MATCAP2: variants seen among roughly 807,000 people sequenced by gnomAD.
The protein encoded by MATCAP2 is microtubule associated tyrosine carboxypeptidase 2.
chr7:36,357,184 G>T, the MATCAP2 span: 16 of 1,614,052 alleles, frequency 9.9e-6, no homozygotes, highest in African/African-American at 1.3e-5. Context: ...GCAGTACTAT[G>T]CCATTCCCTG....
At chr7:36,380,893 C>G in the MATCAP2 span, among the ~76,000 whole-genome samples, 1 of 152,168 alleles carries the variant, frequency 6.6e-6, no homozygotes, top group Non-Finnish European at 1.5e-5. Flanking sequence ...CTGCACCCAG[C>G]TAATTTTTTG....
the MATCAP2 span, among the ~76,000 whole-genome samples, chr7:36,345,301 A>G: frequency 6.6e-6 from 1 of 152,218 alleles, no homozygotes. Context: ...CACTTTATAG[A>G]ATGAGAATAT....
At chr7:36,326,335 A>C in the MATCAP2 span, 4 of 152,576 alleles carry the variant, frequency 2.6e-5, no homozygotes, top group Admixed American at 2.6e-4. Context: ...AAAGGAGAAT[A>C]ATTACCATTA....
At chr7:36,357,316 C>T in the MATCAP2 span, 1 of 1,614,182 alleles carries the variant, frequency 6.2e-7, no homozygotes. Context: ...GGGCTTTCAT[C>T]CTGCGAGGAT....
the MATCAP2 span, among the ~76,000 whole-genome samples, chr7:36,370,723 C>T: frequency 6.6e-6 from 1 of 152,200 alleles, no homozygotes; most frequent in African/African-American, 2.4e-5. Context: ...TCAGGTGATC[C>T]ACCCACCTTG....
chr7:36,364,274 G>C, the MATCAP2 span, among the ~76,000 whole-genome samples: 367 of 152,094 alleles, frequency 2.4e-3, 2 homozygotes, highest in African/African-American at 8.4e-3. Context: ...TTTTTGTAGA[G>C]ATAAGGTTTT....
chr7:36,385,812 TAAAATAAAATAAAA>T, the MATCAP2 span, among the ~76,000 whole-genome samples: 2 of 145,452 alleles, frequency 1.4e-5, no homozygotes, highest in African/African-American at 5.1e-5. Flanking sequence ...TAAAATAAAA[TAAAATAAAATAAAA>T]TAAAATAAAA....
chr7:36,362,937 A>G, the MATCAP2 span, among the ~76,000 whole-genome samples: 2 of 152,148 alleles, frequency 1.3e-5, no homozygotes, highest in Non-Finnish European at 2.9e-5. Context: ...TGTATGACAG[A>G]CTTCGTCAAC....
the MATCAP2 span, among the ~76,000 whole-genome samples, chr7:36,344,682 A>C: frequency 6.6e-6 from 1 of 152,196 alleles, no homozygotes; most frequent in Admixed American, 6.5e-5. Context: ...ACAAAGAAAT[A>C]CATGAAATTG....
At chr7:36,345,170 T>G in the MATCAP2 span, among the ~76,000 whole-genome samples, 2 of 152,156 alleles carry the variant, frequency 1.3e-5, no homozygotes, top group Admixed American at 1.3e-4. Context: ...TTGCTAAAAC[T>G]GATGTGAAAC....
the MATCAP2 span, among the ~76,000 whole-genome samples, chr7:36,365,937 ATGATTTG>A: frequency 6.6e-6 from 1 of 152,244 alleles, no homozygotes; most frequent in South Asian, 2.1e-4. Context: ...TGGCAACGTC[ATGATTTG>A]TGACTGCACA....
the MATCAP2 span, among the ~76,000 whole-genome samples, chr7:36,339,869 T>G: frequency 6.6e-6 from 1 of 152,218 alleles, no homozygotes; most frequent in East Asian, 1.9e-4. Context: ...AAACGGAGTC[T>G]CACTCTGTTG....
the MATCAP2 span, chr7:36,356,643 A>G: frequency 5.3e-6 from 3 of 564,368 alleles, no homozygotes; most frequent in East Asian, 8.5e-5. Context: ...TTAGAACCAG[A>G]ATCTGAAGCT....
chr7:36,335,201 C>T, the MATCAP2 span: 4 of 1,611,082 alleles, frequency 2.5e-6, no homozygotes, highest in African/African-American at 2.7e-5. Flanking sequence ...AGAAAAAGTA[C>T]ACAGACATAA....
the MATCAP2 span, chr7:36,331,114 T>A: frequency 1.5e-6 from 2 of 1,303,768 alleles, no homozygotes; most frequent in Non-Finnish European, 2.2e-6. Flanking sequence ...CTTTCTGATG[T>A]TCAGAAAAAT....
At chr7:36,362,941 C>T in the MATCAP2 span, among the ~76,000 whole-genome samples, 2 of 152,148 alleles carry the variant, frequency 1.3e-5, no homozygotes, top group Non-Finnish European at 2.9e-5. Context: ...TGACAGACTT[C>T]GTCAACAATG....
At chr7:36,379,813 TACACACACAC>T in the MATCAP2 span, among the ~76,000 whole-genome samples, 48 of 124,298 alleles carry the variant, frequency 3.9e-4, no homozygotes, top group African/African-American at 5.6e-4. Context: ...CAATGGTAAG[TACACACACAC>T]ACACACACAC....
chr7:36,381,126 G>A, the MATCAP2 span, among the ~76,000 whole-genome samples: 1 of 152,188 alleles, frequency 6.6e-6, no homozygotes, highest in African/African-American at 2.4e-5. Context: ...GCTGAAAAAG[G>A]AGAATGAACT....
chr7:36,357,730 T>C, the MATCAP2 span: 1 of 652,770 alleles, frequency 1.5e-6, no homozygotes, highest in Middle Eastern at 4.2e-4. Flanking sequence ...ATTTTAAATA[T>C]TAAAAGGATA....
Sources: gnomAD v4.1 joint callset for allele counts (sites outside exome capture counted in the v4.1 genomes callset) on GRCh38, gnomAD v4.1.1 for gene constraint, MANE v1.5 for transcripts, NCBI Gene and HGNC (gene_info 2026-07-23, HGNC 2026-07-21) for gene names.